Variants in ITPR2 observed in about 807,000 individuals in gnomAD.
The protein encoded by ITPR2 is inositol 1,4,5-trisphosphate-gated calcium channel ITPR2.
A neutral mutation model predicts 317.1 loss-of-function variants in ITPR2; 207 were observed. That is an observed-to-expected ratio of 0.65 (90% CI 0.58 to 0.73). ITPR2 has a LOEUF of 0.73. Among genes scored for constraint, ITPR2 ranks in the 30% least tolerant of loss-of-function variants. ITPR2 has a pLI of 0.00. For synonymous variants in ITPR2, 1,156 were observed against 1,149.1 expected (o/e 1.01, Z -0.12); for missense variants, 2,613 against 3,284.0 (o/e 0.80, Z 4.99).
chr12:26,670,230 C>T (rs1179750081), intron 13 of ITPR2, among the ~76,000 whole-genome samples: 3 of 152,176 alleles, frequency 2.0e-5, no homozygotes, highest in African/African-American at 4.8e-5. Flanking sequence ...GATCTGAGAA[C>T]GGGCAGACTG....
At chr12:26,585,198 TG>T (rs1945494059) in intron 32 of ITPR2, among the ~76,000 whole-genome samples, 1 of 152,202 alleles carries the variant, frequency 6.6e-6, no homozygotes, top group Non-Finnish European at 1.5e-5. Context: ...CTAATATTTT[TG>T]TTCTGCCATA....
intron 13 of ITPR2, among the ~76,000 whole-genome samples, chr12:26,675,558 AG>A (rs1947888894): frequency 7.1e-6 from 1 of 141,136 alleles, no homozygotes; most frequent in African/African-American, 2.6e-5. Flanking sequence ...GGGTGGGGGA[AG>A]GGGGGAGGGA....
chr12:26,468,702 TTAAACTA>T lies in ITPR2; in HGVS notation c.6342+6587_6342+6593del, dbSNP rs548423339. On this transcript the variant is annotated intron_variant, in intron 45 of 56. Transcript: ENST00000381340. ...TATTCAGTTTTTTAAATTATAATACTTAAACTATAAATTATCAAAGCTTTAGAATATA... is the reference window on the plus strand; with the variant it reads ...TATTCAGTTTTTTAAATTATAATACTTAAATTATCAAAGCTTTAGAATATA... Among the ~76,000 whole-genome samples, 286 of 152,314 alleles carry T rather than the reference TTAAACTA, an allele frequency of 1.9e-3. 1 individual carries two copies. The highest frequency in any genetic ancestry group is 0.012 in the South Asian group (58 of 4,834).
At chr12:26,562,499 A>G (rs1323143682) in intron 34 of ITPR2, among the ~76,000 whole-genome samples, 1 of 152,228 alleles carries the variant, frequency 6.6e-6, no homozygotes. Context: ...CATCACAACA[A>G]TACTGAAAAT....
chr12:26,347,816 C>A (rs1370969212), intron 55 of ITPR2, among the ~76,000 whole-genome samples: 4 of 152,186 alleles, frequency 2.6e-5, no homozygotes, highest in Non-Finnish European at 4.4e-5. Flanking sequence ...GATGCAAGTG[C>A]AGGTACTGAT....
intron 21 of ITPR2, among the ~76,000 whole-genome samples, chr12:26,647,717 C>G (rs1947146475): frequency 6.6e-6 from 1 of 152,228 alleles, no homozygotes; most frequent in Non-Finnish European, 1.5e-5. Flanking sequence ...CTCAACCACA[C>G]AGCCTCCTGG....
chr12:26,686,674 T>C (rs1351890238), intron 10 of ITPR2, 42 bp from the exon 11 acceptor site: 1 of 1,538,046 alleles, frequency 6.5e-7, no homozygotes, highest in Non-Finnish European at 8.8e-7. Context: ...ATCACGTTTC[T>C]TGCTAAACTC....
intron 1 of ITPR2, among the ~76,000 whole-genome samples, chr12:26,798,168 G>A (rs1203945539): frequency 1.3e-5 from 2 of 152,014 alleles, no homozygotes; most frequent in South Asian, 2.1e-4. Flanking sequence ...ACCCTGGCAC[G>A]TCATTCAACT....
At chr12:26,408,948 T>A (rs889736141) in intron 52 of ITPR2, among the ~76,000 whole-genome samples, 1 of 152,106 alleles carries the variant, frequency 6.6e-6, no homozygotes, top group East Asian at 1.9e-4. Flanking sequence ...GAGAAATAAA[T>A]ACTGATGACA....
intron 1 of ITPR2, among the ~76,000 whole-genome samples, chr12:26,809,548 A>G (rs1056370989): frequency 1.3e-5 from 2 of 152,206 alleles, no homozygotes; most frequent in African/African-American, 4.8e-5. Context: ...AGATTTTACC[A>G]ATTCTCCCCA....
intron 45 of ITPR2, among the ~76,000 whole-genome samples, chr12:26,449,513 T>C (rs1941688957): frequency 6.6e-6 from 1 of 152,156 alleles, no homozygotes; most frequent in East Asian, 1.9e-4. Flanking sequence ...TACTTTCTAG[T>C]TGGAGGAATT....
intron 35 of ITPR2, among the ~76,000 whole-genome samples, chr12:26,557,678 T>G (rs1296958412): frequency 6.6e-6 from 1 of 152,226 alleles, no homozygotes; most frequent in Non-Finnish European, 1.5e-5. Flanking sequence ...GCTCCAGGTT[T>G]CTTGCTATGT....
In ITPR2 at chr12:26,760,488, A is replaced by AATCAATTTGACTCTATTAT. The variant is rs145035529; in HGVS notation, c.163+29668_163+29669insATAATAGAGTCAAATTGAT. On this transcript the variant is annotated intron_variant, in intron 2 of 56. Coordinates refer to ENST00000381340, the MANE Select transcript of ITPR2 (RefSeq NM_002223.4). ...GTGGCAGTGCCATGGTCTAAGTACA[A>AATCAATTTGACTCTATTAT]ACCCCAAGGCAGGAAAGAGAAGTTT... is the stretch of plus-strand genomic sequence containing the variant. Among the ~76,000 whole-genome samples the AATCAATTTGACTCTATTAT allele has an allele frequency of 2.0e-5, 3 of 152,028 alleles. No individual in the cohort carries two copies. The South Asian group carries it at 6.2e-4, about 31-fold the overall frequency.
chr12:26,443,677 T>G lies in ITPR2; in HGVS notation c.6343-27A>C, dbSNP rs116710453. On this transcript the variant is annotated intron_variant, in intron 45 of 56. Transcript: ENST00000381340. ...TAGAGTAGGGAAAAAATAAAGGTTT[T>G]AGGTCTTCTTTTCCCCTTTCCTAGG... 254 of 1,590,140 alleles carry G rather than the reference T, an allele frequency of 1.6e-4. No homozygotes were observed. In the African/African-American group the frequency reaches 3.1e-3, roughly 20 times the overall value.
chr12:26,802,569 ATATAGATATAGATATAT>A (rs1950574674), intron 1 of ITPR2, among the ~76,000 whole-genome samples: 3 of 8,468 alleles, frequency 3.5e-4, no homozygotes, highest in Non-Finnish European at 8.7e-4. Context: ...CTATATATAG[ATATAGATATAGATATAT>A]CTATATATAG....
chr12:26,362,786 C>A (rs1938878305), intron 55 of ITPR2, among the ~76,000 whole-genome samples: 1 of 152,178 alleles, frequency 6.6e-6, no homozygotes, highest in African/African-American at 2.4e-5. Context: ...TCTCTCCTAT[C>A]CTAGAACCTT....
At chr12:26,678,685 T>G (rs368807258) in intron 13 of ITPR2, among the ~76,000 whole-genome samples, 1 of 152,210 alleles carries the variant, frequency 6.6e-6, no homozygotes, top group East Asian at 1.9e-4. Flanking sequence ...TACCTTCATA[T>G]TTCTTAGGCA....
At chr12:26,582,384 T>C (rs1280546365) in intron 32 of ITPR2, among the ~76,000 whole-genome samples, 2 of 152,230 alleles carry the variant, frequency 1.3e-5, no homozygotes, top group Non-Finnish European at 2.9e-5. Flanking sequence ...ATACATATAG[T>C]TTAAAAGTTT....
Position 26,337,014 on chromosome 12 carries a change from T to C in ITPR2, c.*2383A>G, listed in dbSNP as rs1183949378. On this transcript the variant is annotated 3_prime_UTR_variant, in exon 57 of 57. Transcript: ENST00000381340. ...TTTTTTGCTTTATAATTTCTAAGCA[T>C]TTAGGCAGAAAAGAAAGAGGCATTA... 1 of 144,360 alleles carries C rather than the reference T, an allele frequency of 6.9e-6. No homozygotes were observed. The highest frequency in any genetic ancestry group is 1.5e-5 in the Non-Finnish European group (1 of 66,360). The allele number at this position is 144,360 out of a possible 1,614,324, so 8.9% of individuals were successfully genotyped here. A position where few individuals can be genotyped will look rare whatever the true frequency, so the allele number is the denominator to read the frequency against.
Sources: allele counts gnomAD v4.1 joint callset (sites outside exome capture counted in the v4.1 genomes callset), GRCh38; gene constraint gnomAD v4.1.1; transcripts MANE v1.5; gene names NCBI Gene and HGNC (gene_info 2026-07-23, HGNC 2026-07-21).